UGT1A8: variants seen among roughly 807,000 people sequenced by gnomAD.
UGT1A8 encodes the protein UDP glucuronosyltransferase family 1 member A8.
Under a neutral mutation model 45.3 loss-of-function variants are expected in UGT1A8, and 39 were observed. The observed-to-expected ratio is 0.86, with a 90% CI of 0.67 to 1.12. The LOEUF (loss-of-function observed/expected upper bound fraction) is 1.12. Ranked by LOEUF, UGT1A8 falls within the 50% of genes most tolerant of loss-of-function variation. The pLI, the probability that UGT1A8 is intolerant of heterozygous loss-of-function variation, is 0.00. For synonymous variants in UGT1A8, 275 were observed against 249.2 expected (o/e 1.10, Z -0.97); for missense variants, 719 against 664.9 (o/e 1.08, Z -0.90).
In UGT1A8 at chr2:233,769,413, T is replaced by A; in HGVS notation, c.1295+974T>A. 1 of 1,369,868 alleles carries A rather than the reference T, an allele frequency of 7.3e-7. No homozygotes were observed. Among genetic ancestry groups the A allele is most frequent in the Non-Finnish European group, 1.0e-6 (1 of 976,294 alleles). 84.9% of individuals were successfully genotyped at this position (1,369,868 alleles called of 1,614,324 possible). Reference sequence around the variant, plus strand: ...ACTGTGTGCATATGTGCGTGTGCGTTTGTGCATGTGGCTGTGCTCATGTGT... The same window carrying A: ...ACTGTGTGCATATGTGCGTGTGCGTATGTGCATGTGGCTGTGCTCATGTGT... On this transcript the variant is annotated intron_variant, in intron 4 of 4. Coordinates refer to ENST00000373450, the MANE Select transcript of UGT1A8 (RefSeq NM_019076.5). The surrounding 1 kb of genome is among the most constrained non-coding windows in gnomAD (Gnocchi z 4.4).
At chr2:233,620,874 A>T (rs2072991645) in intron 1 of UGT1A8, among the ~76,000 whole-genome samples, 1 of 152,216 alleles carries the variant, frequency 6.6e-6, no homozygotes, top group Admixed American at 6.5e-5. Flanking sequence ...GCAGTTGGTT[A>T]CATCTTGCTG....
chr2:233,628,274 A>G (rs1337461574), intron 1 of UGT1A8, among the ~76,000 whole-genome samples: 2 of 152,112 alleles, frequency 1.3e-5, no homozygotes, highest in African/African-American at 4.8e-5. Flanking sequence ...GTCATGGCAT[A>G]GCTTTAAAAA....
intron 1 of UGT1A8, chr2:233,636,582 T>C: frequency 6.2e-7 from 1 of 1,614,188 alleles, no homozygotes; most frequent in Middle Eastern, 1.7e-4. Context: ...TGCTGACCTG[T>C]GGCTTTGCCG....
intron 1 of UGT1A8, among the ~76,000 whole-genome samples, chr2:233,630,337 C>T (rs1038560331): frequency 6.6e-6 from 1 of 152,104 alleles, no homozygotes; most frequent in African/African-American, 2.4e-5. Context: ...GATTATACCC[C>T]GAGGTTGTCT....
At chr2:233,661,681 T>TTCTTTCTTTCTA (rs1177640661) in intron 1 of UGT1A8, among the ~76,000 whole-genome samples, 1 of 149,656 alleles carries the variant, frequency 6.7e-6, no homozygotes, top group South Asian at 2.1e-4. Flanking sequence ...CTTTCTTTCT[T>TTCTTTCTTTCTA]TTTAAACAAA....
At chr2:233,743,463 C>G in intron 1 of UGT1A8, 1 of 1,366,450 alleles carries the variant, frequency 7.3e-7, no homozygotes, top group African/African-American at 1.5e-5. Flanking sequence ...AAAAAACACC[C>G]CCAAAAGCTG....
At chr2:233,660,756 G>A (rs1389783094) in intron 1 of UGT1A8, among the ~76,000 whole-genome samples, 2 of 151,948 alleles carry the variant, frequency 1.3e-5, no homozygotes, top group East Asian at 3.9e-4. Context: ...TTTTTCTCTA[G>A]AATAGGGCAC....
At chr2:233,687,584 A>G (rs1393957016) in intron 1 of UGT1A8, among the ~76,000 whole-genome samples, 1 of 40,630 alleles carries the variant, frequency 2.5e-5, no homozygotes, top group Non-Finnish European at 4.9e-5. Flanking sequence ...CATTCTTTGT[A>G]AAAAAAAAAA....
At chr2:233,734,121 T>A (rs76091685) in intron 1 of UGT1A8, among the ~76,000 whole-genome samples, 3,256 of 151,966 alleles carry the variant, frequency 0.021, 102 homozygotes, top group African/African-American at 0.073. Context: ...ATAATAATAA[T>A]AAAAAGAATT....
intron 1 of UGT1A8, among the ~76,000 whole-genome samples, chr2:233,665,243 G>T (rs2074048669): frequency 6.6e-6 from 1 of 152,112 alleles, no homozygotes; most frequent in South Asian, 2.1e-4. Flanking sequence ...CTTTACTTTG[G>T]ATTTAATGTA....
At position 233,618,448 on chromosome 2, in the gene UGT1A8, C is replaced by T. The variant is rs779406388; in HGVS notation, c.741C>T (p.His247=). ...TCACAGCATATGATCTCTACAGCCA[C>T]ACATCAATTTGGTTGTTGCGAACAG... ...TPVTAYDLYS[H]TSIWLLRTDF... is the part of the protein sequence containing the mutation. The change falls in exon 1 of 5, where the codon CAC becomes CAT. Residue 247 remains histidine (H), a synonymous_variant. Coordinates refer to ENST00000373450, the MANE Select transcript of UGT1A8 (RefSeq NM_019076.5). The T allele has an allele frequency of 6.2e-7, 1 of 1,613,914 alleles. No individual in the cohort carries two copies. Among genetic ancestry groups the T allele is most frequent in the East Asian group, 2.2e-5 (1 of 44,880 alleles).
chr2:233,724,301 C>T (rs2077213745), intron 1 of UGT1A8, among the ~76,000 whole-genome samples: 1 of 144,624 alleles, frequency 6.9e-6, no homozygotes, highest in Admixed American at 6.8e-5. Context: ...ACCCCCCCAC[C>T]TCCCTCCCGG....
intron 4 of UGT1A8, chr2:233,771,210 C>A: frequency 6.6e-6 from 1 of 152,206 alleles, no homozygotes. Context: ...GGACAAATAT[C>A]CAAACTGTAT....
chr2:233,695,392 G>A (rs1456168296), intron 1 of UGT1A8, among the ~76,000 whole-genome samples: 1 of 151,516 alleles, frequency 6.6e-6, no homozygotes, highest in African/African-American at 2.4e-5. Context: ...CCAAAGTGCT[G>A]GGATTACAGG....
chr2:233,647,161 A>G (rs1329548809), intron 1 of UGT1A8, among the ~76,000 whole-genome samples: 1 of 152,168 alleles, frequency 6.6e-6, no homozygotes, highest in Non-Finnish European at 1.5e-5. Flanking sequence ...ATCACGGGAA[A>G]CGCCCAGCCC....
intron 1 of UGT1A8, among the ~76,000 whole-genome samples, chr2:233,647,437 G>A (rs1196619718): frequency 2.6e-5 from 4 of 152,026 alleles, no homozygotes; most frequent in African/African-American, 7.3e-5. Flanking sequence ...TCTGTTTTCC[G>A]GACTAGATTG....
intron 1 of UGT1A8, among the ~76,000 whole-genome samples, chr2:233,627,313 C>T (rs1018616453): frequency 1.3e-5 from 2 of 151,898 alleles, no homozygotes; most frequent in Non-Finnish European, 2.9e-5. Context: ...GAGGCTGCTT[C>T]TCCTGTTATC....
At chr2:233,732,487 T>A (rs1464258255) in intron 1 of UGT1A8, among the ~76,000 whole-genome samples, 1 of 152,252 alleles carries the variant, frequency 6.6e-6, no homozygotes, top group African/African-American at 2.4e-5. Flanking sequence ...AATTTTTGTA[T>A]AAGGCGTAAG....
intron 1 of UGT1A8, among the ~76,000 whole-genome samples, chr2:233,674,427 C>T (rs990679144): frequency 6.6e-6 from 1 of 152,160 alleles, no homozygotes. Flanking sequence ...TAGTAACAGG[C>T]ACCACTTATG....
Sources: allele counts gnomAD v4.1 joint callset (sites outside exome capture counted in the v4.1 genomes callset), GRCh38; gene constraint gnomAD v4.1.1; non-coding constraint Gnocchi (gnomAD v3.1); transcripts MANE v1.5; gene names NCBI Gene and HGNC (gene_info 2026-07-23, HGNC 2026-07-21).